The following DLGAP2 variants were observed in gnomAD, a reference collection of about 807,000 sequenced individuals.
DLGAP2 encodes the protein DLG associated protein 2, also known as disks large-associated protein 2.
DLGAP2 carries 26 observed loss-of-function variants against 100.3 expected under a neutral mutation model. The ratio of observed to expected loss-of-function variants is 0.26; its 90% CI spans 0.19 to 0.36. The LOEUF (loss-of-function observed/expected upper bound fraction) is 0.36, where lower values mean the gene tolerates loss of function less well. Ranked by LOEUF, DLGAP2 falls within the 10% of genes least tolerant of loss-of-function variation. DLGAP2 has a pLI of 1.00. For synonymous variants in DLGAP2, 886 were observed against 630.1 expected, an observed-to-expected ratio of 1.41 and a Z score of -6.08; for missense variants, 1,858 against 1,453.2, an observed-to-expected ratio of 1.28 and a Z score of -4.53.
chr8:1,178,020 G>C (rs1363418564), intron 2 of DLGAP2, among the ~76,000 whole-genome samples: 1 of 152,208 alleles, frequency 6.6e-6, no homozygotes, highest in African/African-American at 2.4e-5. Context: ...GGTGGTGAAG[G>C]GATTCGGCCA....
chr8:1,195,121 G>A (rs144900104), intron 2 of DLGAP2, among the ~76,000 whole-genome samples: 224 of 152,380 alleles, frequency 1.5e-3, no homozygotes, highest in Non-Finnish European at 2.6e-3. Context: ...AGCAGGTGGA[G>A]ATTAGACTGC....
At chr8:1,446,429 C>G (rs1203584972) in intron 3 of DLGAP2, among the ~76,000 whole-genome samples, 3 of 152,128 alleles carry the variant, frequency 2.0e-5, no homozygotes, top group Admixed American at 1.3e-4. Flanking sequence ...TCTGAGGGCT[C>G]TGTTCTGTTC....
intron 2 of DLGAP2, among the ~76,000 whole-genome samples, chr8:1,181,871 A>G (rs755227043): frequency 6.6e-6 from 1 of 152,100 alleles, no homozygotes; most frequent in Non-Finnish European, 1.5e-5. Context: ...CCTGGAGAGG[A>G]CTTTGCCATC....
At chr8:1,490,032 C>T (rs1216819307) in intron 3 of DLGAP2, among the ~76,000 whole-genome samples, 5 of 151,994 alleles carry the variant, frequency 3.3e-5, no homozygotes, top group Non-Finnish European at 7.3e-5. Context: ...GCTGGGATTA[C>T]AGGCACCTGC....
chr8:1,335,787 A>G (rs949419401), intron 3 of DLGAP2, among the ~76,000 whole-genome samples: 3 of 152,252 alleles, frequency 2.0e-5, no homozygotes, highest in African/African-American at 7.2e-5. Flanking sequence ...CTTGTTCCAG[A>G]GTGGGTTTAT....
chr8:1,224,958 A>T lies in DLGAP2; in HGVS notation c.74-33893A>T, dbSNP rs959939858. Among the ~76,000 whole-genome samples, 3 of 152,374 alleles carry T rather than the reference A, an allele frequency of 2.0e-5. No homozygotes were observed. In the East Asian group the frequency reaches 5.8e-4, roughly 29 times the overall value. The stretch of plus-strand genomic sequence containing the variant: ...AGCAAAGTGACAAGAGTTAGCAAGG[A>T]TATGGACAAACTGAAATCCTCATAT... On this transcript the variant is annotated intron_variant, in intron 2 of 14. Coordinates refer to ENST00000637795, the MANE Select transcript of DLGAP2 (RefSeq NM_001346810.2).
chr8:995,930 T>C (rs556409802), intron 2 of DLGAP2, among the ~76,000 whole-genome samples: 1 of 152,120 alleles, frequency 6.6e-6, no homozygotes, highest in Non-Finnish European at 1.5e-5. Context: ...ATTTTTGTTT[T>C]CTTTGGCTGT....
At chr8:1,478,576 G>C (rs748318549) in intron 3 of DLGAP2, among the ~76,000 whole-genome samples, 9 of 152,036 alleles carry the variant, frequency 5.9e-5, no homozygotes, top group Non-Finnish European at 8.8e-5. Flanking sequence ...CAACAGAATA[G>C]ATCTGGTCCG....
At chr8:1,449,388 T>C (rs955218484) in intron 3 of DLGAP2, among the ~76,000 whole-genome samples, 3 of 152,136 alleles carry the variant, frequency 2.0e-5, no homozygotes, top group Admixed American at 2.0e-4. Flanking sequence ...CTCAGAGTTG[T>C]CTTGGGGCTG....
intron 2 of DLGAP2, among the ~76,000 whole-genome samples, chr8:1,063,159 A>T (rs1040248115): frequency 6.6e-6 from 1 of 152,218 alleles, no homozygotes. Context: ...AAGAGGGAAG[A>T]TGTTTGACTG....
chr8:1,624,603 A>C (rs1477687559), intron 6 of DLGAP2, among the ~76,000 whole-genome samples: 1 of 151,812 alleles, frequency 6.6e-6, no homozygotes, highest in Non-Finnish European at 1.5e-5. Context: ...GGGTGGTGAC[A>C]GCCAAGGTCA....
At chr8:1,356,789 G>T (rs1431407750) in intron 3 of DLGAP2, among the ~76,000 whole-genome samples, 1 of 152,238 alleles carries the variant, frequency 6.6e-6, no homozygotes, top group Admixed American at 6.5e-5. Context: ...ATGACAGTCA[G>T]TGAATGAGGT....
intron 8 of DLGAP2, among the ~76,000 whole-genome samples, chr8:1,655,225 T>C (rs539424376): frequency 4.3e-4 from 65 of 152,382 alleles, no homozygotes; most frequent in African/African-American, 1.5e-3. Context: ...GTCTGATTTA[T>C]TCTTCTGTTT....
At chr8:1,203,123 T>A (rs1028490863) in intron 2 of DLGAP2, among the ~76,000 whole-genome samples, 1 of 152,072 alleles carries the variant, frequency 6.6e-6, no homozygotes, top group Non-Finnish European at 1.5e-5. Flanking sequence ...TGTTTGTTAG[T>A]TCGTTTGTTT....
intron 4 of DLGAP2, among the ~76,000 whole-genome samples, chr8:1,525,380 T>G (rs6991225): frequency 0.013 from 2,003 of 152,314 alleles, 48 homozygotes; most frequent in African/African-American, 0.046. Context: ...TGAAATTGAT[T>G]GCTGTTAGCT....
intron 3 of DLGAP2, among the ~76,000 whole-genome samples, chr8:1,492,369 G>C (rs1799412947): frequency 6.6e-6 from 1 of 152,202 alleles, no homozygotes; most frequent in South Asian, 2.1e-4. Flanking sequence ...TAGGGAAGCG[G>C]CTCAAATGTA....
intron 3 of DLGAP2, among the ~76,000 whole-genome samples, chr8:1,490,341 A>C (rs1799344712): frequency 6.6e-6 from 1 of 152,244 alleles, no homozygotes; most frequent in African/African-American, 2.4e-5. Context: ...GCGCCTGTGG[A>C]GAAGGAACAG....
intron 3 of DLGAP2, among the ~76,000 whole-genome samples, chr8:1,373,246 CGG>C (rs1010367986): frequency 6.6e-6 from 1 of 151,974 alleles, no homozygotes; most frequent in African/African-American, 2.4e-5. Flanking sequence ...CCACGCCCCT[CGG>C]GGGGAGGCGC....
intron 1 of DLGAP2, among the ~76,000 whole-genome samples, chr8:887,243 T>C (rs1439240847): frequency 1.3e-5 from 2 of 152,098 alleles, no homozygotes; most frequent in Non-Finnish European, 2.9e-5. Flanking sequence ...CCTCCATCCC[T>C]TTATTTTGAG....
Sources: allele counts gnomAD v4.1 joint callset (sites outside exome capture counted in the v4.1 genomes callset), GRCh38; gene constraint gnomAD v4.1.1; transcripts MANE v1.5; gene names NCBI Gene and HGNC (gene_info 2026-07-23, HGNC 2026-07-21).